Variants in GPR137C observed in about 807,000 individuals in gnomAD.
GPR137C encodes integral membrane protein GPR137C.
Under a neutral mutation model 43.4 loss-of-function variants are expected in GPR137C, and 27 were observed. The observed-to-expected ratio is 0.62, with a 90% CI of 0.46 to 0.86. The LOEUF (loss-of-function observed/expected upper bound fraction) is 0.86. Among genes scored for constraint, GPR137C ranks in the 40% least tolerant of loss-of-function variants. The pLI, the probability that GPR137C is intolerant of heterozygous loss-of-function variation, is 0.00. For missense variants in GPR137C, 522 were observed against 534.6 expected, an observed-to-expected ratio of 0.98 and a Z score of 0.23; for synonymous variants, 285 against 226.9, an observed-to-expected ratio of 1.26 and a Z score of -2.30.
Position 52,594,645 on chromosome 14 carries a change from C to CT in GPR137C, c.445-3619dup, listed in dbSNP as rs976101170. On this transcript the variant is annotated intron_variant, in intron 1 of 6. Coordinates refer to ENST00000321662, the MANE Select transcript of GPR137C (RefSeq NM_001099652.2). ...TCAGAGACTATGATTGCAACCCCTG[C>CT]TTTTTTTTGCTTTCCATTTGCTTGG... Among the ~76,000 whole-genome samples, 10 of 151,924 alleles carry CT rather than the reference C, an allele frequency of 6.6e-5. No homozygotes were observed. In the South Asian group the frequency reaches 8.4e-4, roughly 13 times the overall value.
At chr14:52,630,703 G>A (rs952382933) in intron 3 of GPR137C, among the ~76,000 whole-genome samples, 9 of 150,788 alleles carry the variant, frequency 6.0e-5, no homozygotes, top group African/African-American at 2.2e-4. Flanking sequence ...AACCCCGCAA[G>A]AGCCCCGCAA....
intron 3 of GPR137C, among the ~76,000 whole-genome samples, chr14:52,602,339 C>T (rs62005395): frequency 1.3e-5 from 2 of 151,868 alleles, no homozygotes; most frequent in Non-Finnish European, 2.9e-5. Flanking sequence ...CTCTCTCTCT[C>T]CCTCTCAATA....
chr14:52,576,392 G>A (rs1012040464), intron 1 of GPR137C, among the ~76,000 whole-genome samples: 5 of 152,158 alleles, frequency 3.3e-5, no homozygotes, highest in African/African-American at 1.2e-4. Flanking sequence ...GGTTGATTCT[G>A]TATCTTTGCT....
chr14:52,601,598 T>C (rs1274243551), intron 3 of GPR137C, among the ~76,000 whole-genome samples: 2 of 152,066 alleles, frequency 1.3e-5, no homozygotes, highest in Non-Finnish European at 2.9e-5. Context: ...ATTAAATTTC[T>C]AGTCTAGTTT....
intron 3 of GPR137C, among the ~76,000 whole-genome samples, chr14:52,625,011 G>A (rs1456035583): frequency 2.0e-5 from 3 of 152,232 alleles, no homozygotes; most frequent in African/African-American, 7.2e-5. Context: ...ACTATAAATT[G>A]ATAGAAGATG....
At chr14:52,563,018 C>T (rs978071009) in intron 1 of GPR137C, among the ~76,000 whole-genome samples, 1 of 152,166 alleles carries the variant, frequency 6.6e-6, no homozygotes, top group Non-Finnish European at 1.5e-5. Flanking sequence ...TGCCTTCCCC[C>T]CATCAGTCTA....
intron 3 of GPR137C, chr14:52,613,029 G>A (rs1312322243): frequency 3.9e-5 from 6 of 152,228 alleles, no homozygotes; most frequent in African/African-American, 1.4e-4. Flanking sequence ...GGTGGATCAC[G>A]AGGTCAGGAG....
chr14:52,631,305 C>G (rs536557971), intron 3 of GPR137C, among the ~76,000 whole-genome samples: 1 of 152,126 alleles, frequency 6.6e-6, no homozygotes, highest in Non-Finnish European at 1.5e-5. Flanking sequence ...CATCCCTGGA[C>G]GTTGTGCACT....
At chr14:52,566,165 C>G (rs2038366691) in intron 1 of GPR137C, among the ~76,000 whole-genome samples, 1 of 152,160 alleles carries the variant, frequency 6.6e-6, no homozygotes, top group Non-Finnish European at 1.5e-5. Flanking sequence ...CATCATCCTT[C>G]TAGAATAATA....
chr14:52,583,684 C>A (rs1463419921), intron 1 of GPR137C, among the ~76,000 whole-genome samples: 3 of 152,166 alleles, frequency 2.0e-5, no homozygotes, highest in African/African-American at 7.2e-5. Flanking sequence ...ATACCATCAT[C>A]ATCTCTGAAA....
At chr14:52,618,825 T>C (rs1371204910) in intron 3 of GPR137C, among the ~76,000 whole-genome samples, 2 of 152,112 alleles carry the variant, frequency 1.3e-5, no homozygotes, top group African/African-American at 4.8e-5. Context: ...GCTAGATGCT[T>C]AGTCCCCGAG....
intron 2 of GPR137C, among the ~76,000 whole-genome samples, chr14:52,599,895 A>T (rs1242336815): frequency 2.0e-5 from 3 of 152,318 alleles, no homozygotes; most frequent in Non-Finnish European, 4.4e-5. Context: ...ATTTGGGATT[A>T]CTTGAAATAG....
intron 1 of GPR137C, among the ~76,000 whole-genome samples, chr14:52,586,431 G>C (rs2139496156): frequency 6.6e-6 from 1 of 152,280 alleles, no homozygotes; most frequent in Non-Finnish European, 1.5e-5. Context: ...AGGTACCAGT[G>C]ACATACCAGT....
intron 1 of GPR137C, among the ~76,000 whole-genome samples, chr14:52,559,645 C>T (rs548592720): frequency 1.3e-5 from 2 of 152,240 alleles, no homozygotes; most frequent in African/African-American, 4.8e-5. Flanking sequence ...GAACAAAGTA[C>T]TTCACAACAT....
intron 3 of GPR137C, among the ~76,000 whole-genome samples, chr14:52,607,776 G>A (rs1471016630): frequency 2.6e-5 from 4 of 152,060 alleles, no homozygotes; most frequent in African/African-American, 9.7e-5. Flanking sequence ...TTGGGAGGCT[G>A]AGGCACAAGA....
rs2039317967 is a variant in GPR137C, at chr14:52,633,603, C to T, written c.941C>T (p.Pro314Leu). Residue 314 changes from proline (P) to leucine (L), a missense_variant, in exon 5 of 7, where the codon CCA (proline) becomes CTA (leucine). By Grantham distance (98) the Pro-to-Leu change is moderately conservative (BLOSUM62 -3). Coordinates refer to ENST00000321662, the MANE Select transcript of GPR137C (RefSeq NM_001099652.2). ...GMVLFLWEHVPAWSVVLFFRA... is the reference protein window; with the variant it reads ...GMVLFLWEHVLAWSVVLFFRA... ...GTCCTCTTTCTGTGGGAACATGTGCCAGCATGGTCGGTGGTACTGTTTTTC... is the reference window on the plus strand; with the variant it reads ...GTCCTCTTTCTGTGGGAACATGTGCTAGCATGGTCGGTGGTACTGTTTTTC... The T allele has an allele frequency of 6.2e-7, 1 of 1,612,946 alleles. No homozygotes were observed. Among genetic ancestry groups the T allele is most frequent in the Non-Finnish European group, 8.5e-7 (1 of 1,179,318 alleles).
At chr14:52,598,237 G>C (rs576053580) in intron 1 of GPR137C, 35 bp from the exon 2 acceptor site, 10 of 872,834 alleles carry the variant, frequency 1.1e-5, no homozygotes, top group Non-Finnish European at 1.7e-5. Context: ...TATATTACAC[G>C]TTTTCAAAAT....
intron 1 of GPR137C, among the ~76,000 whole-genome samples, chr14:52,577,050 C>CGCG (rs2038564542): frequency 1.0e-5 from 1 of 96,364 alleles, no homozygotes; most frequent in Non-Finnish European, 2.0e-5. Context: ...ACTAGCCAGG[C>CGCG]GTGGTGCTGT....
chr14:52,583,264 TA>T (rs2038672340), intron 1 of GPR137C, among the ~76,000 whole-genome samples: 2 of 152,234 alleles, frequency 1.3e-5, no homozygotes, highest in Admixed American at 1.3e-4. Context: ...AATTGCTTGA[TA>T]TTTTTTCATA....
Sources: gnomAD v4.1 joint callset for allele counts (sites outside exome capture counted in the v4.1 genomes callset) on GRCh38, gnomAD v4.1.1 for gene constraint, MANE v1.5 for transcripts, NCBI Gene and HGNC (gene_info 2026-07-23, HGNC 2026-07-21) for gene names.